Variants in RBMS3 observed in about 807,000 individuals in gnomAD.
RBMS3 encodes the protein RNA binding motif single stranded interacting protein 3, also known as RNA-binding motif, single-stranded-interacting protein 3.
A neutral mutation model predicts 66.8 loss-of-function variants in RBMS3; 27 were observed. The ratio of observed to expected loss-of-function variants is 0.40; its 90% confidence interval spans 0.30 to 0.56. RBMS3 has a LOEUF of 0.56. RBMS3 is among the 20% of genes least tolerant of loss of function. RBMS3 has a pLI of 0.40. For synonymous variants in RBMS3, 188 were observed against 183.0 expected (o/e 1.03, Z -0.22); for missense variants, 513 against 549.5 (o/e 0.93, Z 0.66).
chr3:30,009,051 A>G lies in RBMS3; in HGVS notation c.*5189A>G, dbSNP rs1699884346. On this transcript the variant is annotated 3_prime_UTR_variant, in exon 15 of 15. Transcript: ENST00000383767. Reference sequence around the variant, plus strand: ...TTATTTTTGTGAGGGAAAATAATATATCAAGAAAATTTTCTTCCACTTAGA... The same window carrying G: ...TTATTTTTGTGAGGGAAAATAATATGTCAAGAAAATTTTCTTCCACTTAGA... 3 of 152,138 alleles carry G rather than the reference A, an allele frequency of 2.0e-5. No individual in the cohort carries two copies. In the South Asian group the frequency reaches 6.2e-4, roughly 31 times the overall value. The allele number at this position is 152,138 out of a possible 1,614,324, so 9.4% of individuals were successfully genotyped here.
intron 1 of RBMS3, among the ~76,000 whole-genome samples, chr3:29,353,000 G>T (rs2037009660): frequency 6.6e-6 from 1 of 151,060 alleles, no homozygotes; most frequent in Non-Finnish European, 1.5e-5. Flanking sequence ...ATTGAAAATT[G>T]GTTCATGCCT....
intron 4 of RBMS3, among the ~76,000 whole-genome samples, chr3:29,679,243 T>C (rs1453028155): frequency 1.3e-5 from 2 of 152,184 alleles, no homozygotes; most frequent in Admixed American, 6.5e-5. Context: ...GTGAAGAATA[T>C]ATATGAGCTT....
chr3:29,753,383 G>A (rs769962865), intron 5 of RBMS3, among the ~76,000 whole-genome samples: 1 of 152,158 alleles, frequency 6.6e-6, no homozygotes, highest in Non-Finnish European at 1.5e-5. Flanking sequence ...TGGTAGGTGA[G>A]CAATGCCCAT....
intron 6 of RBMS3, among the ~76,000 whole-genome samples, chr3:29,862,837 C>A (rs899866443): frequency 4.4e-5 from 6 of 136,420 alleles, no homozygotes; most frequent in Non-Finnish European, 7.7e-5. Flanking sequence ...GGAGACAGAG[C>A]AAGTCTCTGT....
intron 1 of RBMS3, among the ~76,000 whole-genome samples, chr3:29,350,161 GAAAAAA>G (rs11401285): frequency 7.3e-6 from 1 of 136,156 alleles, no homozygotes; most frequent in South Asian, 2.4e-4. Flanking sequence ...AACTCCATCT[GAAAAAA>G]AAAAAAAAAA....
chr3:29,804,239 G>A (rs1426307969), intron 6 of RBMS3, among the ~76,000 whole-genome samples: 2 of 152,042 alleles, frequency 1.3e-5, no homozygotes, highest in African/African-American at 2.4e-5. Flanking sequence ...AGAAAAAAAT[G>A]CTGACAAATG....
chr3:29,900,552 T>A (rs1293332441), intron 10 of RBMS3, among the ~76,000 whole-genome samples: 1 of 151,614 alleles, frequency 6.6e-6, no homozygotes, highest in Non-Finnish European at 1.5e-5. Context: ...AAGTGCGAGA[T>A]AGAGATTTCA....
intron 4 of RBMS3, among the ~76,000 whole-genome samples, chr3:29,701,837 G>A (rs948165619): frequency 5.0e-5 from 6 of 119,320 alleles, no homozygotes; most frequent in East Asian, 2.0e-4. Context: ...TGAAGCCTGC[G>A]CGCAGCCGGA....
chr3:29,283,618 C>T (rs985136193), intron 1 of RBMS3, among the ~76,000 whole-genome samples: 1 of 152,092 alleles, frequency 6.6e-6, no homozygotes, highest in Admixed American at 6.6e-5. Context: ...TCTTGTTACT[C>T]TCAAGCTAGC....
chr3:29,869,020 A>G (rs2059425874), intron 7 of RBMS3, 56 bp downstream of exon 7: 10 of 1,418,226 alleles, frequency 7.1e-6, no homozygotes, highest in African/African-American at 1.4e-5. Context: ...ATCCCTCAGA[A>G]GGTGGCAAGG....
intron 10 of RBMS3, among the ~76,000 whole-genome samples, chr3:29,918,665 T>C (rs1478301532): frequency 6.6e-6 from 1 of 152,160 alleles, no homozygotes; most frequent in African/African-American, 2.4e-5. Context: ...TGTTTGCACT[T>C]TATAAAAAGT....
At chr3:29,985,087 T>G (rs943835431) in intron 12 of RBMS3, among the ~76,000 whole-genome samples, 4 of 152,208 alleles carry the variant, frequency 2.6e-5, no homozygotes, top group Non-Finnish European at 4.4e-5. Context: ...CTTTCAGAGA[T>G]GCCCTGCCCA....
At chr3:29,629,092 G>C (rs2049181778) in intron 4 of RBMS3, among the ~76,000 whole-genome samples, 1 of 152,084 alleles carries the variant, frequency 6.6e-6, no homozygotes, top group South Asian at 2.1e-4. Flanking sequence ...GTTGGTAGCT[G>C]TTTTAAGAAG....
intron 12 of RBMS3, among the ~76,000 whole-genome samples, chr3:29,972,067 T>G (rs1331876174): frequency 6.6e-6 from 1 of 152,168 alleles, no homozygotes; most frequent in Non-Finnish European, 1.5e-5. Flanking sequence ...AATTACATAC[T>G]TTGCTTCTTC....
At chr3:29,882,603 C>T (rs1255911743) in intron 7 of RBMS3, among the ~76,000 whole-genome samples, 2 of 151,994 alleles carry the variant, frequency 1.3e-5, no homozygotes, top group Non-Finnish European at 2.9e-5. Context: ...TACCAATCTT[C>T]ATAATAATTT....
chr3:29,744,482 C>T (rs879933194), intron 5 of RBMS3, among the ~76,000 whole-genome samples: 1 of 152,158 alleles, frequency 6.6e-6, no homozygotes, highest in Non-Finnish European at 1.5e-5. Flanking sequence ...GTTCCACAGG[C>T]ATTATTAAAA....
intron 4 of RBMS3, 27 bp downstream of exon 4, chr3:29,587,232 T>G (rs759736477): frequency 5.7e-5 from 39 of 682,270 alleles, no homozygotes; most frequent in Middle Eastern, 4.1e-4. Context: ...GGGGTGTTTT[T>G]TTTTTTTTTT....
intron 8 of RBMS3, among the ~76,000 whole-genome samples, chr3:29,895,123 A>G (rs1009006304): frequency 6.6e-6 from 1 of 151,604 alleles, no homozygotes; most frequent in African/African-American, 2.4e-5. Flanking sequence ...ATACACAAAT[A>G]CAGTACAATT....
intron 6 of RBMS3, among the ~76,000 whole-genome samples, chr3:29,834,607 A>C (rs764212725): frequency 4.6e-5 from 7 of 152,042 alleles, no homozygotes; most frequent in Non-Finnish European, 7.4e-5. Context: ...CCTAAAGGTA[A>C]TCATGAAGCA....
Sources: allele counts gnomAD v4.1 joint callset (sites outside exome capture counted in the v4.1 genomes callset), GRCh38; gene constraint gnomAD v4.1.1; transcripts MANE v1.5; gene names NCBI Gene and HGNC (gene_info 2026-07-23, HGNC 2026-07-21).